The following RABGAP1L variants were observed in gnomAD, a reference collection of about 807,000 sequenced individuals.
The protein encoded by RABGAP1L is rab GTPase-activating protein 1-like.
RABGAP1L carries 63 observed loss-of-function variants against 137.7 expected under a neutral mutation model. The ratio of observed to expected loss-of-function variants is 0.46; its 90% CI spans 0.37 to 0.56. The LOEUF (loss-of-function observed/expected upper bound fraction) is 0.56, where lower values mean the gene tolerates loss of function less well. Among genes scored for constraint, RABGAP1L ranks in the 20% least tolerant of loss-of-function variants. The pLI, the probability that RABGAP1L is intolerant of heterozygous loss-of-function variation, is 0.00. For synonymous variants in RABGAP1L, 431 were observed against 433.7 expected (o/e 0.99, Z 0.08); for missense variants, 1,095 against 1,244.0 (o/e 0.88, Z 1.80).
At chr1:174,512,645 C>A (rs1330636636) in intron 13 of RABGAP1L, among the ~76,000 whole-genome samples, 1 of 152,088 alleles carries the variant, frequency 6.6e-6, no homozygotes, top group Non-Finnish European at 1.5e-5. Context: ...TTTCTCTAAT[C>A]TTCTTTAAAT....
chr1:174,752,332 A>T lies in RABGAP1L; in HGVS notation c.2189A>T (p.His730Leu). The T allele has an allele frequency of 6.3e-7, 1 of 1,588,160 alleles. No individual in the cohort carries two copies. Among genetic ancestry groups the T allele is most frequent in the Non-Finnish European group, 8.6e-7 (1 of 1,166,124 alleles). The stretch of plus-strand genomic sequence containing the variant: ...TTTCAGGGTTTGAACATAATCTTTC[A>T]TGTAGCTTTGGCTCTCCTAAAGGTA... ...LLCEGLNIIF[H>L]VALALLKTSK... The change falls in exon 18 of 26, where the codon CAT (histidine) becomes CTT (leucine). Residue 730 changes from histidine (H) to leucine (L), a missense_variant. Coordinates refer to ENST00000681986, the MANE Select transcript of RABGAP1L (RefSeq NM_001366446.1).
chr1:174,713,101 GC>G (rs1317598359), intron 17 of RABGAP1L, among the ~76,000 whole-genome samples: 1 of 152,100 alleles, frequency 6.6e-6, no homozygotes, highest in Non-Finnish European at 1.5e-5. Flanking sequence ...GCACTTCCTT[GC>G]CCCCATACTA....
chr1:174,866,628 C>T (rs1252460266), intron 19 of RABGAP1L, among the ~76,000 whole-genome samples: 3 of 152,078 alleles, frequency 2.0e-5, no homozygotes, highest in African/African-American at 7.2e-5. Flanking sequence ...AATACTACTA[C>T]AGGCCAGGCA....
intron 19 of RABGAP1L, among the ~76,000 whole-genome samples, chr1:174,918,394 A>T (rs1661223930): frequency 6.6e-6 from 1 of 152,218 alleles, no homozygotes; most frequent in South Asian, 2.1e-4. Context: ...AGCTCCAGTT[A>T]TCTTTAATCT....
rs572023316 is a variant in RABGAP1L at position 174,643,365 on chromosome 1, A to G, written c.1824+5877A>G. ...TAGTAAGCTGCTTTGAATTATGGCA[A>G]CCTTCTAATGCAGATCCAAATATGG... On this transcript the variant is annotated intron_variant, in intron 14 of 25. Transcript: ENST00000681986. Among the ~76,000 whole-genome samples, 26 of 152,242 alleles carry G rather than the reference A, an allele frequency of 1.7e-4. 2 individuals are homozygous for G. Among genetic ancestry groups the G allele is most frequent in the African/African-American group, 5.8e-4 (24 of 41,506 alleles).
At chr1:174,404,744 C>T (rs1649060623) in intron 13 of RABGAP1L, among the ~76,000 whole-genome samples, 1 of 151,994 alleles carries the variant, frequency 6.6e-6, no homozygotes, top group South Asian at 2.1e-4. Flanking sequence ...TATAAACTTG[C>T]AAAGAGGCAG....
chr1:174,437,357 T>C (rs1283638596), intron 13 of RABGAP1L, among the ~76,000 whole-genome samples: 1 of 152,000 alleles, frequency 6.6e-6, no homozygotes, highest in Non-Finnish European at 1.5e-5. Context: ...GAATAACCAA[T>C]GCAGGGAAGT....
intron 13 of RABGAP1L, among the ~76,000 whole-genome samples, chr1:174,555,830 A>G (rs1167147117): frequency 6.6e-6 from 1 of 152,074 alleles, no homozygotes; most frequent in East Asian, 1.9e-4. Context: ...TATGTCTCCT[A>G]TTCTTTTTCA....
chr1:174,852,752 G>C (rs1648585167), intron 19 of RABGAP1L, among the ~76,000 whole-genome samples: 1 of 151,896 alleles, frequency 6.6e-6, no homozygotes, highest in South Asian at 2.1e-4. Context: ...GGAGACAGAG[G>C]CTGCAGTGAG....
At chr1:174,465,379 T>C (rs775495552) in intron 13 of RABGAP1L, among the ~76,000 whole-genome samples, 3 of 152,058 alleles carry the variant, frequency 2.0e-5, no homozygotes, top group Non-Finnish European at 4.4e-5. Context: ...TTTGTACTTT[T>C]AGTAGGCTCT....
At chr1:174,981,515 T>A (rs2149386450) in intron 23 of RABGAP1L, among the ~76,000 whole-genome samples, 1 of 150,358 alleles carries the variant, frequency 6.7e-6, no homozygotes, top group East Asian at 2.0e-4. Flanking sequence ...TATCCAAAAT[T>A]ATACTTTAAA....
chr1:174,416,229 G>T (rs773980011), intron 13 of RABGAP1L, among the ~76,000 whole-genome samples: 1 of 151,840 alleles, frequency 6.6e-6, no homozygotes, highest in Non-Finnish European at 1.5e-5. Context: ...GTGGCAGACT[G>T]TAGTCTTGCA....
chr1:174,787,922 C>T (rs534994733), intron 18 of RABGAP1L, among the ~76,000 whole-genome samples: 36 of 152,222 alleles, frequency 2.4e-4, no homozygotes, highest in South Asian at 1.2e-3. Context: ...TGTGAGACAA[C>T]GAATAGTGAG....
chr1:174,532,358 A>G (rs1019517764), intron 13 of RABGAP1L, among the ~76,000 whole-genome samples: 4 of 151,816 alleles, frequency 2.6e-5, no homozygotes, highest in African/African-American at 9.7e-5. Flanking sequence ...ACAGGTGCGC[A>G]CCACCACACC....
At chr1:174,291,746 TA>T (rs1172135022) in intron 10 of RABGAP1L, among the ~76,000 whole-genome samples, 16 of 152,058 alleles carry the variant, frequency 1.1e-4, no homozygotes, top group African/African-American at 3.6e-4. Flanking sequence ...AATATTGACC[TA>T]TTTTTTTTAA....
chr1:174,881,915 GC>G (rs1290947815), intron 19 of RABGAP1L, among the ~76,000 whole-genome samples: 1 of 152,076 alleles, frequency 6.6e-6, no homozygotes. Context: ...AGGCTGGAGT[GC>G]AATGGCATGA....
chr1:174,298,275 G>A (rs754685299), intron 10 of RABGAP1L, among the ~76,000 whole-genome samples: 17 of 151,862 alleles, frequency 1.1e-4, no homozygotes, highest in Non-Finnish European at 1.0e-4. Flanking sequence ...CTTGGCAGGT[G>A]CCACCATGAG....
intron 14 of RABGAP1L, among the ~76,000 whole-genome samples, chr1:174,650,820 G>A (rs1297886285): frequency 6.9e-6 from 1 of 144,940 alleles, no homozygotes; most frequent in Non-Finnish European, 1.5e-5. Flanking sequence ...AGGGTTTTTT[G>A]TGTCTCTATT....
chr1:174,314,676 C>T (rs747514742), intron 11 of RABGAP1L, among the ~76,000 whole-genome samples: 25 of 151,930 alleles, frequency 1.6e-4, no homozygotes, highest in South Asian at 1.2e-3. Flanking sequence ...TGCTGGGTTT[C>T]GGTATGTTGT....
Sources: gnomAD v4.1 joint callset for allele counts (sites outside exome capture counted in the v4.1 genomes callset) on GRCh38, gnomAD v4.1.1 for gene constraint, MANE v1.5 for transcripts, NCBI Gene and HGNC (gene_info 2026-07-23, HGNC 2026-07-21) for gene names.